The following HDAC4 variants were observed in gnomAD, a reference collection of about 807,000 sequenced individuals.
HDAC4 encodes the protein histone deacetylase A.
Under a neutral mutation model 135.1 loss-of-function variants are expected in HDAC4, and 16 were observed. The ratio of observed to expected loss-of-function variants is 0.12; its 90% confidence interval spans 0.08 to 0.18. The LOEUF is 0.18. HDAC4 is among the 10% of genes least tolerant of loss of function. The pLI, the probability that HDAC4 is intolerant of heterozygous loss-of-function variation, is 1.00. For missense variants in HDAC4, 1,143 were observed against 1,511.8 expected (o/e 0.76, Z 4.05); for synonymous variants, 685 against 653.4 (o/e 1.05, Z -0.74).
intron 2 of HDAC4, among the ~76,000 whole-genome samples, chr2:239,271,952 G>A (rs148976402): frequency 2.5e-4 from 38 of 152,210 alleles, no homozygotes; most frequent in Non-Finnish European, 3.8e-4. Flanking sequence ...ACAACCTGGC[G>A]CCAGATTCCA....
chr2:239,094,448 C>CA (rs2036810350), intron 17 of HDAC4: 1 of 970,952 alleles, frequency 1.0e-6, no homozygotes. Flanking sequence ...TTCATATGCC[C>CA]AGGCCAGGTC....
In HDAC4 at chr2:239,356,244, G is replaced by A. The variant is rs1337983957; in HGVS notation, c.-219-3326C>T. ...TTTAAAAAGGTGAAAACAGTTTGAC[G>A]GAACAGTAAAAGGAAGAATTAAAGC... On this transcript the variant is annotated intron_variant, in intron 1 of 26. Transcript: ENST00000543185. Among the ~76,000 whole-genome samples, 7 of 152,216 alleles carry A rather than the reference G, an allele frequency of 4.6e-5. No homozygotes were observed. The East Asian group carries it at 7.7e-4, about 17-fold the overall frequency.
At chr2:239,338,347 CT>C (rs373897778) in intron 2 of HDAC4, among the ~76,000 whole-genome samples, 127 of 152,246 alleles carry the variant, frequency 8.3e-4, no homozygotes, top group African/African-American at 3.0e-3. Flanking sequence ...ACTCGTTACC[CT>C]CTCCTCCCGC....
intron 24 of HDAC4, among the ~76,000 whole-genome samples, chr2:239,063,693 A>C (rs562294187): frequency 6.6e-6 from 1 of 150,820 alleles, no homozygotes; most frequent in South Asian, 2.1e-4. Context: ...AGCCTCCCCC[A>C]CACCTGCGAG....
Position 239,275,960 on chromosome 2 carries a change from G to A in HDAC4, c.23-39296C>T, listed in dbSNP as rs185352033. The stretch of plus-strand genomic sequence containing the variant: ...GAGGAGAGGCCTTAAAAGGATGGGC[G>A]GGAAGGCACCAGGCGGTGGTGGACA... On this transcript the variant is annotated intron_variant, in intron 2 of 26. Transcript: ENST00000543185. Among the ~76,000 whole-genome samples, 4 of 152,254 alleles carry A rather than the reference G, an allele frequency of 2.6e-5. No homozygotes were observed. In the East Asian group the frequency reaches 5.8e-4, roughly 22 times the overall value.
chr2:239,244,482 T>A (rs962718725), intron 2 of HDAC4, among the ~76,000 whole-genome samples: 10 of 152,128 alleles, frequency 6.6e-5, no homozygotes, highest in African/African-American at 2.4e-4. Flanking sequence ...ATGAAGTGGG[T>A]ATCTATTTGG....
intron 1 of HDAC4, among the ~76,000 whole-genome samples, chr2:239,357,540 A>T (rs1693571726): frequency 6.6e-6 from 1 of 152,026 alleles, no homozygotes. Context: ...AAATTGATAA[A>T]CTTCTAGCAG....
intron 1 of HDAC4, among the ~76,000 whole-genome samples, chr2:239,354,749 C>G (rs1020438155): frequency 2.0e-5 from 3 of 151,922 alleles, no homozygotes; most frequent in Non-Finnish European, 2.9e-5. Flanking sequence ...CTGGTTATCT[C>G]CTTAGGAATG....
intron 7 of HDAC4, among the ~76,000 whole-genome samples, chr2:239,151,563 G>A: frequency 6.6e-6 from 1 of 152,236 alleles, no homozygotes; most frequent in Non-Finnish European, 1.5e-5. Flanking sequence ...GACCATGGAG[G>A]CAAGTGCAGA....
At chr2:239,391,891 C>A (rs1201450798) in intron 1 of HDAC4, among the ~76,000 whole-genome samples, 1 of 128,542 alleles carries the variant, frequency 7.8e-6, no homozygotes, top group Non-Finnish European at 1.7e-5. Context: ...ATTCTGAAAA[C>A]AGAACTTCGT....
At chr2:239,144,377 G>A (rs557832825) in intron 8 of HDAC4, among the ~76,000 whole-genome samples, 1 of 152,204 alleles carries the variant, frequency 6.6e-6, no homozygotes, top group Non-Finnish European at 1.5e-5. Flanking sequence ...AATGCCAGGA[G>A]CAGGGCCCGG....
At chr2:239,120,246 G>C (rs1369745834) in intron 12 of HDAC4, among the ~76,000 whole-genome samples, 1 of 152,198 alleles carries the variant, frequency 6.6e-6, no homozygotes. Context: ...TGGGAGCACA[G>C]AGGAGCTACG....
At chr2:239,092,849 CT>C (rs148261813) in intron 17 of HDAC4, among the ~76,000 whole-genome samples, 107 of 146,682 alleles carry the variant, frequency 7.3e-4, no homozygotes, top group Middle Eastern at 3.5e-3. Context: ...TGTTTCGTTT[CT>C]TTTTTTTTTT....
At chr2:239,328,257 C>G (rs2053527563) in intron 2 of HDAC4, among the ~76,000 whole-genome samples, 1 of 152,236 alleles carries the variant, frequency 6.6e-6, no homozygotes, top group Admixed American at 6.5e-5. Context: ...ACCCAGCTCC[C>G]AGGCTTCTGG....
intron 16 of HDAC4, among the ~76,000 whole-genome samples, chr2:239,100,921 G>T (rs893263587): frequency 1.3e-5 from 2 of 152,138 alleles, no homozygotes; most frequent in African/African-American, 4.8e-5. Flanking sequence ...ACCCCTTCTA[G>T]AGCAGCAGCA....
At chr2:239,172,293 AATATAT>A (rs1252131295) in intron 5 of HDAC4, among the ~76,000 whole-genome samples, 2 of 115,054 alleles carry the variant, frequency 1.7e-5, no homozygotes, top group African/African-American at 3.1e-5. Context: ...GGTGAAAAAA[AATATAT>A]ATATATATAT....
At chr2:239,106,869 G>A (rs1160569406) in intron 15 of HDAC4, among the ~76,000 whole-genome samples, 1 of 152,142 alleles carries the variant, frequency 6.6e-6, no homozygotes, top group Non-Finnish European at 1.5e-5. Flanking sequence ...GGGCTGTCGG[G>A]TGTCCAGGAC....
At chr2:239,169,712 G>A (rs1010188909) in intron 5 of HDAC4, among the ~76,000 whole-genome samples, 35 of 152,184 alleles carry the variant, frequency 2.3e-4, no homozygotes, top group African/African-American at 6.5e-4. Flanking sequence ...GAGAGGGCCC[G>A]GATCTGCATG....
chr2:239,107,844 G>C (rs189270704), intron 15 of HDAC4, among the ~76,000 whole-genome samples: 1 of 152,212 alleles, frequency 6.6e-6, no homozygotes, highest in Non-Finnish European at 1.5e-5. Context: ...GGGAGGGTAC[G>C]GGACTCCAGG....
Sources: allele counts gnomAD v4.1 joint callset (sites outside exome capture counted in the v4.1 genomes callset), GRCh38; gene constraint gnomAD v4.1.1; transcripts MANE v1.5; gene names NCBI Gene and HGNC (gene_info 2026-07-23, HGNC 2026-07-21).